The following NUDT6 variants were observed in gnomAD, a reference collection of about 807,000 sequenced individuals.
NUDT6 encodes nudix hydrolase 6, also known as FAD diphosphatase NUDT6.
A neutral mutation model predicts 36.8 loss-of-function variants in NUDT6; 24 were observed. The observed-to-expected ratio is 0.65, with a 90% CI of 0.47 to 0.92. The LOEUF is 0.92. Among genes scored for constraint, NUDT6 ranks in the 40% least tolerant of loss-of-function variants. The probability of loss-of-function intolerance (pLI) is 0.00; values close to 1 mark genes in which losing one functional copy is unlikely to be tolerated. For synonymous variants in NUDT6, 163 were observed against 157.0 expected (o/e 1.04, Z -0.29); for missense variants, 388 against 392.8 (o/e 0.99, Z 0.10).
At chr4:122,906,497 A>G (rs572295228) in intron 3 of NUDT6, among the ~76,000 whole-genome samples, 13 of 152,104 alleles carry the variant, frequency 8.5e-5, no homozygotes, top group African/African-American at 3.1e-4. Flanking sequence ...TCACTACCCA[A>G]CTCTATTGAT....
intron 2 of NUDT6, among the ~76,000 whole-genome samples, chr4:122,916,173 G>A (rs1727835965): frequency 6.6e-6 from 1 of 152,052 alleles, no homozygotes; most frequent in Non-Finnish European, 1.5e-5. Context: ...GAATTTTCAG[G>A]TCCCACCATA....
Position 122,892,975 on chromosome 4 carries a change from A to G in NUDT6, c.804T>C (p.Ala268=), listed in dbSNP as rs747077036. The G allele has an allele frequency of 6.2e-7, 1 of 1,614,178 alleles. No individual in the cohort carries two copies. Among genetic ancestry groups the G allele is most frequent in the Non-Finnish European group, 8.5e-7 (1 of 1,180,028 alleles). Reference sequence around the variant, plus strand: ...CTCTGTACCCATACAGCAGCAGCCTAGCAACTCTGCTGGTGATGGGAGTTG... The same window carrying G: ...CTCTGTACCCATACAGCAGCAGCCTGGCAACTCTGCTGGTGATGGGAGTTG... The part of the protein sequence containing the change: ...ENTTPITSRV[A]RLLLYGYREG... The change falls in exon 5 of 5, where the codon GCT becomes GCC. Residue 268 remains alanine, a synonymous_variant. Transcript: ENST00000304430.
chr4:122,916,857 C>T (rs1164688409), intron 2 of NUDT6, among the ~76,000 whole-genome samples: 1 of 152,076 alleles, frequency 6.6e-6, no homozygotes, highest in Non-Finnish European at 1.5e-5. Context: ...TTATTTGAAT[C>T]CAAGTACTGT....
chr4:122,911,844 A>G (rs1727738687), intron 3 of NUDT6, among the ~76,000 whole-genome samples: 1 of 152,100 alleles, frequency 6.6e-6, no homozygotes. Flanking sequence ...CTAGTCACCT[A>G]GACTCCTTAT....
chr4:122,915,262 A>G (rs1349205426), intron 2 of NUDT6, among the ~76,000 whole-genome samples: 2 of 151,812 alleles, frequency 1.3e-5, no homozygotes, highest in African/African-American at 4.8e-5. Context: ...CCACCTAAAA[A>G]CTCTGCACCC....
intron 4 of NUDT6, chr4:122,895,971 C>T (rs1428332452): frequency 2.6e-5 from 4 of 152,552 alleles, no homozygotes; most frequent in African/African-American, 9.7e-5. Flanking sequence ...GTTAGAAATG[C>T]CTTCATATAG....
chr4:122,903,490 C>T (rs1212630537), intron 3 of NUDT6, among the ~76,000 whole-genome samples: 1 of 152,210 alleles, frequency 6.6e-6, no homozygotes, highest in Non-Finnish European at 1.5e-5. Context: ...GGGCTTTATC[C>T]TCTAGAGCTT....
chr4:122,901,197 G>T (rs1727515777), intron 3 of NUDT6, among the ~76,000 whole-genome samples: 1 of 152,020 alleles, frequency 6.6e-6, no homozygotes, highest in Non-Finnish European at 1.5e-5. Context: ...AGTTGGTGAG[G>T]TCTAGTTCCT....
In NUDT6 at chr4:122,922,056, G is replaced by A. The variant is rs370897753; in HGVS notation, c.238+279C>T. Reference sequence around the variant, plus strand: ...TGTGGAAGAGGAAATGGTGGTTTACGGCAATTTCCGAATGTCGCACAGTAG... The same window carrying A: ...TGTGGAAGAGGAAATGGTGGTTTACAGCAATTTCCGAATGTCGCACAGTAG... On this transcript the variant is annotated intron_variant, in intron 1 of 4. Coordinates refer to ENST00000304430, the MANE Select transcript of NUDT6 (RefSeq NM_007083.5). 13 of 375,290 alleles carry A rather than the reference G, an allele frequency of 3.5e-5. 1 individual carries two copies. The East Asian group carries it at 4.7e-4, about 14-fold the overall frequency. The allele number at this position is 375,290 out of a possible 1,614,324, so 23.2% of individuals were successfully genotyped here.
intron 3 of NUDT6, among the ~76,000 whole-genome samples, chr4:122,899,718 A>T (rs1189813860): frequency 6.6e-6 from 1 of 152,146 alleles, no homozygotes; most frequent in East Asian, 1.9e-4. Flanking sequence ...GCACTTTGGG[A>T]GACTGAGATG....
chr4:122,906,975 G>T (rs1188035768), intron 3 of NUDT6, among the ~76,000 whole-genome samples: 1 of 152,082 alleles, frequency 6.6e-6, no homozygotes, highest in Non-Finnish European at 1.5e-5. Flanking sequence ...GTCTAAAACG[G>T]GGAGGAACCC....
chr4:122,922,877 T>C (rs1177424844), upstream of NUDT6: 3 of 566,560 alleles, frequency 5.3e-6, no homozygotes, highest in African/African-American at 5.7e-5. Flanking sequence ...AAAAACGTCC[T>C]GTTTTTCAGG....
intron 3 of NUDT6, among the ~76,000 whole-genome samples, chr4:122,904,341 A>T (rs1727578102): frequency 6.6e-6 from 1 of 152,190 alleles, no homozygotes; most frequent in South Asian, 2.1e-4. Flanking sequence ...GGCATTCCTT[A>T]TAGAGTACTC....
chr4:122,908,336 G>A (rs910017575), intron 3 of NUDT6, among the ~76,000 whole-genome samples: 3 of 152,320 alleles, frequency 2.0e-5, no homozygotes, highest in East Asian at 1.9e-4. Context: ...CTGACCCAGT[G>A]TAATATTGGT....
intron 3 of NUDT6, among the ~76,000 whole-genome samples, chr4:122,912,139 C>T (rs1458234818): frequency 6.6e-6 from 1 of 152,184 alleles, no homozygotes; most frequent in African/African-American, 2.4e-5. Flanking sequence ...AAGTTAATTG[C>T]TGTCATCTAT....
intron 3 of NUDT6, among the ~76,000 whole-genome samples, chr4:122,901,544 G>A (rs1727524603): frequency 6.6e-6 from 1 of 152,166 alleles, no homozygotes. Context: ...CTTCCCCACT[G>A]TTAGAAATTG....
rs201373471 is a variant in NUDT6, at chr4:122,893,080, T to C, written c.699A>G (p.Ser233=). ...CTTCCTGGCAAAAATTTATGGTGAA[T>C]GAATATGGCTTTAGGCGGCAGATGA... is the stretch of plus-strand genomic sequence containing the variant. The part of the protein sequence containing the change: ...MYIICRLKPY[S]FTINFCQEEC... The change falls in exon 5 of 5, where the codon TCA becomes TCG. Residue 233 remains serine (S), a synonymous_variant. Coordinates refer to ENST00000304430, the MANE Select transcript of NUDT6 (RefSeq NM_007083.5). 7.4e-6 allele frequency: 12 copies of C among 1,614,160 alleles called. No individual in the cohort carries two copies. In the Admixed American group the frequency reaches 1.8e-4, roughly 25 times the overall value.
intron 1 of NUDT6, chr4:122,920,006 T>C (rs1469460220): frequency 6.6e-6 from 1 of 152,216 alleles, no homozygotes; most frequent in African/African-American, 2.4e-5. Context: ...TGCAGATATG[T>C]TATGTGTGAA....
At chr4:122,911,674 A>T (rs1031097552) in intron 3 of NUDT6, among the ~76,000 whole-genome samples, 2 of 152,198 alleles carry the variant, frequency 1.3e-5, no homozygotes, top group African/African-American at 2.4e-5. Context: ...CTTTAAGAAC[A>T]TATGTGGTGG....
Sources: allele counts gnomAD v4.1 joint callset (sites outside exome capture counted in the v4.1 genomes callset), GRCh38; gene constraint gnomAD v4.1.1; transcripts MANE v1.5; gene names NCBI Gene and HGNC (gene_info 2026-07-23, HGNC 2026-07-21).